Variants in SNTG1 observed in about 807,000 individuals in gnomAD.
The protein encoded by SNTG1 is syntrophin gamma 1.
SNTG1 carries 39 observed loss-of-function variants against 74.7 expected under a neutral mutation model. The ratio of observed to expected loss-of-function variants is 0.52; its 90% CI spans 0.40 to 0.68. The LOEUF is 0.68. SNTG1 is among the 30% of genes least tolerant of loss of function. The pLI is 0.00. For synonymous variants in SNTG1, 254 were observed against 217.1 expected (o/e 1.17, Z -1.49); for missense variants, 685 against 609.5 (o/e 1.12, Z -1.30).
chr8:50,404,088 T>C (rs1161075351), intron 4 of SNTG1, among the ~76,000 whole-genome samples: 4 of 151,924 alleles, frequency 2.6e-5, no homozygotes, highest in Non-Finnish European at 4.4e-5. Context: ...TTAAGCAAGG[T>C]TGCTGAGAAT....
intron 1 of SNTG1, among the ~76,000 whole-genome samples, chr8:50,167,376 T>G (rs1177217153): frequency 4.0e-5 from 6 of 151,116 alleles, no homozygotes; most frequent in African/African-American, 1.4e-4. Context: ...AAGAGTCTGT[T>G]TCTAAACCAA....
At chr8:50,074,660 G>A (rs979140690) in intron 1 of SNTG1, among the ~76,000 whole-genome samples, 1 of 152,198 alleles carries the variant, frequency 6.6e-6, no homozygotes, top group African/African-American at 2.4e-5. Flanking sequence ...TAATGAAAAA[G>A]TTAATATTGC....
At chr8:50,666,715 A>G (rs760031670) in intron 15 of SNTG1, among the ~76,000 whole-genome samples, 1 of 152,106 alleles carries the variant, frequency 6.6e-6, no homozygotes. Context: ...GGCTTGTACA[A>G]CATTCTAAGA....
rs527919465 is a variant in SNTG1 at position 50,291,869 on chromosome 8, T to A, written c.-27-102343T>A. Among the ~76,000 whole-genome samples, 3 of 152,204 alleles carry A rather than the reference T, an allele frequency of 2.0e-5. No homozygotes were observed. The South Asian group carries it at 6.2e-4, about 32-fold the overall frequency. The stretch of plus-strand genomic sequence containing the variant: ...AGAAAAGACCGGACATGTTGATGGA[T>A]CTGATCTATGTGAGAGAAAGGGAGA... On this transcript the variant is annotated intron_variant, in intron 2 of 18. Coordinates refer to ENST00000642720, the MANE Select transcript of SNTG1 (RefSeq NM_018967.5).
intron 11 of SNTG1, among the ~76,000 whole-genome samples, chr8:50,537,604 T>G (rs946934192): frequency 7.2e-5 from 11 of 152,182 alleles, no homozygotes; most frequent in Admixed American, 3.3e-4. Flanking sequence ...TCTTAACTTG[T>G]ATGTATACTT....
chr8:50,728,560 C>T (rs927933254), intron 17 of SNTG1, among the ~76,000 whole-genome samples: 4 of 152,138 alleles, frequency 2.6e-5, no homozygotes, highest in African/African-American at 9.7e-5. Flanking sequence ...GATTTAGCCA[C>T]ATTGGTGGCA....
chr8:50,531,328 C>CTT (rs534775183), intron 10 of SNTG1, among the ~76,000 whole-genome samples: 12 of 144,318 alleles, frequency 8.3e-5, no homozygotes, highest in South Asian at 2.2e-4. Flanking sequence ...ATCTTTGAAA[C>CTT]TTTTTTTTTT....
chr8:50,604,460 G>C (rs1371631123), intron 13 of SNTG1, among the ~76,000 whole-genome samples: 2 of 152,016 alleles, frequency 1.3e-5, no homozygotes, highest in Non-Finnish European at 2.9e-5. Flanking sequence ...AATATACCTG[G>C]TGTTCTATTC....
At chr8:50,554,126 AGAAAG>A (rs2094442179) in intron 12 of SNTG1, among the ~76,000 whole-genome samples, 1 of 152,184 alleles carries the variant, frequency 6.6e-6, no homozygotes, top group African/African-American at 2.4e-5. Flanking sequence ...TTGAAACCTA[AGAAAG>A]GATTGTGGCC....
At chr8:50,397,673 G>A (rs953504931) in intron 3 of SNTG1, among the ~76,000 whole-genome samples, 1 of 152,146 alleles carries the variant, frequency 6.6e-6, no homozygotes, top group Non-Finnish European at 1.5e-5. Flanking sequence ...CACCCCATTA[G>A]GAGATTATTG....
At chr8:50,595,020 ATGTGTGTGTGTGTGTGTG>A (rs57799690) in intron 13 of SNTG1, among the ~76,000 whole-genome samples, 1 of 147,732 alleles carries the variant, frequency 6.8e-6, no homozygotes, top group African/African-American at 2.5e-5. Context: ...TTTATTGAAG[ATGTGTGTGTGTGTGTGTG>A]TGTGTGTGTG....
intron 2 of SNTG1, among the ~76,000 whole-genome samples, chr8:50,345,789 A>G (rs956170542): frequency 5.9e-5 from 9 of 152,228 alleles, no homozygotes; most frequent in Non-Finnish European, 1.2e-4. Flanking sequence ...TCTAAAATTC[A>G]AATTCTGAAA....
At chr8:50,686,431 A>T (rs977158461) in intron 15 of SNTG1, among the ~76,000 whole-genome samples, 3 of 152,208 alleles carry the variant, frequency 2.0e-5, no homozygotes, top group Non-Finnish European at 4.4e-5. Context: ...ATTAAACTAG[A>T]GACAGTATTT....
chr8:50,141,804 A>T (rs868565311), intron 1 of SNTG1, among the ~76,000 whole-genome samples: 1 of 152,172 alleles, frequency 6.6e-6, no homozygotes, highest in Non-Finnish European at 1.5e-5. Flanking sequence ...CCAATAACAT[A>T]TCTCATGATA....
chr8:50,105,693 T>C (rs1298290601), intron 1 of SNTG1, among the ~76,000 whole-genome samples: 1 of 152,026 alleles, frequency 6.6e-6, no homozygotes, highest in Non-Finnish European at 1.5e-5. Flanking sequence ...AGTTGTGATG[T>C]CTCTGATTTC....
At chr8:50,399,282 T>G (rs2131338039) in intron 3 of SNTG1, among the ~76,000 whole-genome samples, 1 of 152,308 alleles carries the variant, frequency 6.6e-6, no homozygotes, top group South Asian at 2.1e-4. Context: ...TTTCTGCAAC[T>G]CTTGTCCTTT....
chr8:50,781,679 T>C (rs142724972), intron 18 of SNTG1, among the ~76,000 whole-genome samples: 120 of 152,332 alleles, frequency 7.9e-4, no homozygotes, highest in African/African-American at 2.6e-3. Context: ...CTGTGTCTTT[T>C]AATTGGAGCA....
chr8:50,097,667 A>C (rs1222173004), intron 1 of SNTG1, among the ~76,000 whole-genome samples: 18 of 152,202 alleles, frequency 1.2e-4, no homozygotes, highest in Admixed American at 2.6e-4. Flanking sequence ...AAAAAACAAA[A>C]AACGAAACTA....
chr8:50,545,101 T>A (rs922963052), intron 11 of SNTG1, among the ~76,000 whole-genome samples: 1 of 151,988 alleles, frequency 6.6e-6, no homozygotes, highest in African/African-American at 2.4e-5. Flanking sequence ...TTGGCTCAAA[T>A]GTAGGATATT....
Sources: gnomAD v4.1 joint callset for allele counts (sites outside exome capture counted in the v4.1 genomes callset) on GRCh38, gnomAD v4.1.1 for gene constraint, MANE v1.5 for transcripts, NCBI Gene and HGNC (gene_info 2026-07-23, HGNC 2026-07-21) for gene names.